The following PIK3R1 variants were observed in gnomAD, a reference collection of about 807,000 sequenced individuals.
PIK3R1 encodes phosphoinositide-3-kinase regulatory subunit 1, also known as phosphatidylinositol 3-kinase regulatory subunit alpha.
Under a neutral mutation model 98.0 loss-of-function variants are expected in PIK3R1, and 29 were observed. That is an observed-to-expected ratio of 0.30 (90% confidence interval 0.22 to 0.40). PIK3R1 has a LOEUF of 0.40. PIK3R1 is among the 10% of genes least tolerant of loss of function. The pLI is 1.00. For missense variants in PIK3R1, 596 were observed against 872.7 expected, an observed-to-expected ratio of 0.68 and a Z score of 3.99; for synonymous variants, 282 against 311.8, an observed-to-expected ratio of 0.90 and a Z score of 1.01.
chr5:68,278,808 T>A (rs1273883221), intron 4 of PIK3R1, among the ~76,000 whole-genome samples: 2 of 151,914 alleles, frequency 1.3e-5, no homozygotes, highest in African/African-American at 2.4e-5. Flanking sequence ...GGCGTGGTGG[T>A]ACACACCTGT....
chr5:68,272,717 TAAAC>T (rs1189461744), intron 2 of PIK3R1, among the ~76,000 whole-genome samples: 3 of 152,190 alleles, frequency 2.0e-5, no homozygotes, highest in South Asian at 2.1e-4. Context: ...AAAAAATACA[TAAAC>T]AAAGGCTTTG....
chr5:68,238,314 G>T (rs570899046), intron 2 of PIK3R1, among the ~76,000 whole-genome samples: 1 of 152,142 alleles, frequency 6.6e-6, no homozygotes, highest in Admixed American at 6.5e-5. Flanking sequence ...TCCTTGTTTA[G>T]TGATAAACAG....
chr5:68,290,879 T>C (rs750114215), intron 7 of PIK3R1: 2 of 1,349,978 alleles, frequency 1.5e-6, no homozygotes, highest in South Asian at 1.4e-5. Context: ...ATTTCGTGGC[T>C]TTTTAATTTT....
In PIK3R1 at chr5:68,226,799, T is replaced by G. The variant is rs1450313327; in HGVS notation, c.124T>G (p.Phe42Val). 1 of 1,614,096 alleles carries G rather than the reference T, an allele frequency of 6.2e-7. No individual in the cohort carries two copies. The highest frequency in any genetic ancestry group is 1.1e-5 in the South Asian group (1 of 91,074). The stretch of plus-strand genomic sequence containing the variant: ...TAAAGGGTCCTTAGTAGCTCTTGGA[T>G]TCAGTGATGGACAGGAAGCCAGGCC... ...VNKGSLVALG[F>V]SDGQEARPEE... Residue 42 changes from phenylalanine to valine, a missense_variant, in exon 2 of 16, where the codon TTC (phenylalanine) becomes GTC (valine). Phe to Val is a conservative substitution (Grantham distance 50). Around this residue, in one of 3 missense-constraint regions of PIK3R1, gnomAD observed 352 missense variants for 393.3 expected, o/e 0.90. Coordinates refer to ENST00000521381, the MANE Select transcript of PIK3R1 (RefSeq NM_181523.3).
chr5:68,292,333 G>A lies in PIK3R1; in HGVS notation c.991G>A (p.Ala331Thr), dbSNP rs1561296741. ...GMNNNMSLQD[A>T]EWYWGDISRE... ...GAATAACAATATGTCCTTACAAGAT[G>A]CTGAATGGTACTGGGGAGATATCTC... Residue 331 changes from alanine (A) to threonine (T), a missense_variant, in exon 8 of 16, where the codon GCT (alanine) becomes ACT (threonine). This residue lies in a region of PIK3R1 where 37 missense variants were observed against 118.0 expected (regional missense o/e 0.31). Coordinates refer to ENST00000521381, the MANE Select transcript of PIK3R1 (RefSeq NM_181523.3). The A allele has an allele frequency of 6.2e-7, 1 of 1,612,012 alleles. No homozygotes were observed. Among genetic ancestry groups the A allele is most frequent in the Non-Finnish European group, 8.5e-7 (1 of 1,178,138 alleles).
chr5:68,294,680 T>TTG lies in PIK3R1; in HGVS notation c.1568+3_1568+4dup, dbSNP rs777201887. On this transcript the variant is annotated splice_region_variant and intron_variant, in intron 12 of 15. Transcript: ENST00000521381. ...AGGCAATGAGAAAGAAATACAAAGG[T>TTG]TGGTGTTTCCCTTGTTCTTGTGCTA... The TTG allele has an allele frequency of 6.3e-7, 1 of 1,599,006 alleles. No homozygotes were observed. The highest frequency in any genetic ancestry group is 2.3e-5 in the East Asian group (1 of 44,294).
intron 5 of PIK3R1, 101 bp downstream of exon 5, chr5:68,279,834 A>G (rs1746751520): frequency 7.0e-6 from 8 of 1,137,678 alleles, no homozygotes; most frequent in Non-Finnish European, 9.0e-6. Context: ...AGAAAATAGT[A>G]GTAATAACCT....
chr5:68,235,248 C>G (rs537080404), intron 2 of PIK3R1, among the ~76,000 whole-genome samples: 4 of 151,832 alleles, frequency 2.6e-5, no homozygotes, highest in African/African-American at 9.7e-5. Context: ...ACTAAAAATA[C>G]AAAAATTAGC....
chr5:68,288,506 G>C, intron 7 of PIK3R1: 1 of 1,321,624 alleles, frequency 7.6e-7, no homozygotes, highest in East Asian at 3.1e-5. Context: ...GGCGTGGGGC[G>C]GAGGGACGAG....
chr5:68,255,727 G>A (rs140631914), intron 2 of PIK3R1, among the ~76,000 whole-genome samples: 231 of 152,296 alleles, frequency 1.5e-3, no homozygotes, highest in African/African-American at 5.3e-3. Context: ...GCTCCCTATA[G>A]CACTGGAATT....
chr5:68,244,768 C>G (rs1421310257), intron 2 of PIK3R1, among the ~76,000 whole-genome samples: 2 of 152,044 alleles, frequency 1.3e-5, no homozygotes, highest in Non-Finnish European at 2.9e-5. Context: ...CTTGTTTGAA[C>G]TTCTCAGATC....
chr5:68,241,303 A>C (rs1744864566), intron 2 of PIK3R1, among the ~76,000 whole-genome samples: 1 of 151,826 alleles, frequency 6.6e-6, no homozygotes, highest in Non-Finnish European at 1.5e-5. Context: ...TGTTCGATTA[A>C]TTTTGTTACT....
At chr5:68,250,719 A>G (rs1745273214) in intron 2 of PIK3R1, among the ~76,000 whole-genome samples, 1 of 152,152 alleles carries the variant, frequency 6.6e-6, no homozygotes, top group Admixed American at 6.5e-5. Flanking sequence ...TGGAAACACA[A>G]TCCACATGTA....
chr5:68,244,364 A>T (rs1461203610), intron 2 of PIK3R1, among the ~76,000 whole-genome samples: 4 of 152,072 alleles, frequency 2.6e-5, no homozygotes, highest in African/African-American at 9.7e-5. Context: ...AGACTTTGGG[A>T]TTTATTTATG....
intron 2 of PIK3R1, among the ~76,000 whole-genome samples, chr5:68,269,032 T>A (rs367998892): frequency 3.5e-4 from 53 of 152,282 alleles, no homozygotes; most frequent in African/African-American, 1.3e-3. Context: ...ATCGGATGTG[T>A]CATCAAATAT....
intron 2 of PIK3R1, among the ~76,000 whole-genome samples, chr5:68,255,912 A>G (rs1325869091): frequency 6.6e-6 from 1 of 152,248 alleles, no homozygotes; most frequent in African/African-American, 2.4e-5. Flanking sequence ...CCACAGAGCC[A>G]TGGGCCTTGC....
intron 7 of PIK3R1, chr5:68,292,037 G>T (rs757115044): frequency 5.1e-5 from 19 of 375,956 alleles, no homozygotes; most frequent in Middle Eastern, 7.4e-4. Flanking sequence ...AGTTTCTAAG[G>T]CTCTCTCTCT....
intron 2 of PIK3R1, among the ~76,000 whole-genome samples, chr5:68,251,319 T>C (rs1005650974): frequency 2.6e-5 from 4 of 152,160 alleles, no homozygotes; most frequent in African/African-American, 4.8e-5. Context: ...AGCCCTGTGC[T>C]TGAGATGACT....
chr5:68,300,966 G>A lies in PIK3R1; in HGVS notation c.*3365G>A, dbSNP rs1748009058. The A allele has an allele frequency of 8.6e-6, 2 of 233,194 alleles. No individual in the cohort carries two copies. The highest frequency in any genetic ancestry group is 2.2e-5 in the African/African-American group (1 of 45,288). The allele number at this position is 233,194 out of a possible 1,614,324, so 14.4% of individuals were successfully genotyped here. A position where few individuals can be genotyped will look rare whatever the true frequency, so the allele number is the denominator to read the frequency against. ...TGTTTATGTGAGCTGTCACTGTGGGGAACCAATTGCTTTGTCATATAGCTG... is the reference window on the plus strand; with the variant it reads ...TGTTTATGTGAGCTGTCACTGTGGGAAACCAATTGCTTTGTCATATAGCTG... On this transcript the variant is annotated 3_prime_UTR_variant, in exon 16 of 16. Coordinates refer to ENST00000521381, the MANE Select transcript of PIK3R1 (RefSeq NM_181523.3).
Sources: allele counts gnomAD v4.1 joint callset (sites outside exome capture counted in the v4.1 genomes callset), GRCh38; gene constraint gnomAD v4.1.1; regional missense constraint gnomAD v4.1.1; transcripts MANE v1.5; gene names NCBI Gene and HGNC (gene_info 2026-07-23, HGNC 2026-07-21).